LTBP1: variants seen among roughly 807,000 people sequenced by gnomAD.
LTBP1 encodes latent-transforming growth factor beta-binding protein 1.
Under a neutral mutation model 207.6 loss-of-function variants are expected in LTBP1, and 129 were observed. The observed-to-expected ratio is 0.62, with a 90% confidence interval of 0.54 to 0.72. The LOEUF is 0.72. Ranked by LOEUF, LTBP1 falls within the 30% of genes least tolerant of loss-of-function variation. The pLI is 0.00. For synonymous variants in LTBP1, 963 were observed against 833.7 expected (o/e 1.16, Z -2.67); for missense variants, 2,281 against 2,217.2 (o/e 1.03, Z -0.58).
At chr2:33,328,943 G>A (rs979194177) in intron 24 of LTBP1, among the ~76,000 whole-genome samples, 4 of 152,116 alleles carry the variant, frequency 2.6e-5, no homozygotes, top group African/African-American at 9.7e-5. Flanking sequence ...CATTTGGCAT[G>A]CTTCCTATGT....
chr2:33,091,450 C>A (rs892195446), intron 3 of LTBP1, among the ~76,000 whole-genome samples: 6 of 152,118 alleles, frequency 3.9e-5, no homozygotes, highest in Non-Finnish European at 7.4e-5. Context: ...GATACTCAGC[C>A]CATGAGTAGA....
intron 3 of LTBP1, among the ~76,000 whole-genome samples, chr2:33,101,605 G>A (rs752000604): frequency 6.6e-6 from 1 of 152,172 alleles, no homozygotes; most frequent in Admixed American, 6.5e-5. Context: ...CAGTTAAAAA[G>A]TCTCGTGATT....
intron 22 of LTBP1, among the ~76,000 whole-genome samples, chr2:33,303,194 A>G (rs1042973492): frequency 6.6e-6 from 1 of 152,070 alleles, no homozygotes; most frequent in East Asian, 1.9e-4. Context: ...TTCTAGAACT[A>G]AGTAACTGGT....
chr2:33,080,551 A>T (rs543170565), intron 3 of LTBP1, among the ~76,000 whole-genome samples: 1 of 152,226 alleles, frequency 6.6e-6, no homozygotes, highest in Non-Finnish European at 1.5e-5. Context: ...TGTATATTAT[A>T]TTGTATTTTA....
intron 15 of LTBP1, among the ~76,000 whole-genome samples, chr2:33,266,949 G>T (rs1004553934): frequency 6.6e-6 from 1 of 152,242 alleles, no homozygotes; most frequent in African/African-American, 2.4e-5. Context: ...GGGAAGAAGA[G>T]CTGTGGCCCT....
chr2:33,254,863 T>TTTG (rs2092799468), intron 11 of LTBP1, among the ~76,000 whole-genome samples: 2 of 107,358 alleles, frequency 1.9e-5, no homozygotes, highest in Non-Finnish European at 3.9e-5. Context: ...TTTTTTTTTT[T>TTTG]TTTTTTTTTT....
Position 33,345,151 on chromosome 2 carries a change from A to G in LTBP1, c.3856+2188A>G, listed in dbSNP as rs2094685142. 2.0e-5 allele frequency among the ~76,000 whole-genome samples: 3 copies of G among 152,308 alleles called. 1 individual carries two copies. The South Asian group carries it at 6.2e-4, about 32-fold the overall frequency. On this transcript the variant is annotated intron_variant, in intron 25 of 33. Coordinates refer to ENST00000404816, the MANE Select transcript of LTBP1 (RefSeq NM_206943.4). ...ACAGGGATGAGTGAGCACCTGCCCC[A>G]TTATCACCTACTCATCCTTCAGCTA...
intron 3 of LTBP1, among the ~76,000 whole-genome samples, chr2:33,089,713 T>G (rs1376011331): frequency 6.6e-6 from 1 of 152,244 alleles, no homozygotes; most frequent in East Asian, 1.9e-4. Context: ...ATAAGTGAAT[T>G]TTCTTATTTC....
At chr2:33,027,395 CCAGTATA>C (rs1325783888) in intron 3 of LTBP1, among the ~76,000 whole-genome samples, 1 of 152,102 alleles carries the variant, frequency 6.6e-6, no homozygotes, top group Non-Finnish European at 1.5e-5. Flanking sequence ...TAGCAAATTA[CCAGTATA>C]CAGTATACAG....
chr2:33,036,282 A>G (rs1313052701), intron 3 of LTBP1, among the ~76,000 whole-genome samples: 2 of 152,262 alleles, frequency 1.3e-5, no homozygotes, highest in South Asian at 2.1e-4. Context: ...GGTGGTGCCA[A>G]TGCTGAATGC....
chr2:33,033,302 A>G (rs1321328623), intron 3 of LTBP1, among the ~76,000 whole-genome samples: 2 of 152,104 alleles, frequency 1.3e-5, no homozygotes, highest in African/African-American at 2.4e-5. Context: ...ATTAAGTCAG[A>G]TATTTTATCT....
At chr2:33,013,471 ATT>A (rs903521448) in intron 2 of LTBP1, among the ~76,000 whole-genome samples, 50 of 150,386 alleles carry the variant, frequency 3.3e-4, no homozygotes, top group Non-Finnish European at 5.0e-4. Context: ...TTTCAGAAAA[ATT>A]TTTTTTCTGG....
At chr2:32,956,699 A>G (rs1011704523) in intron 2 of LTBP1, among the ~76,000 whole-genome samples, 9 of 152,200 alleles carry the variant, frequency 5.9e-5, no homozygotes, top group Non-Finnish European at 1.2e-4. Context: ...TCTTAATGGC[A>G]TCTAGAATGG....
chr2:32,972,675 G>A (rs920691315), intron 2 of LTBP1, among the ~76,000 whole-genome samples: 2 of 152,124 alleles, frequency 1.3e-5, no homozygotes, highest in African/African-American at 2.4e-5. Context: ...CTGGATCATG[G>A]GGATGGTTTC....
chr2:33,223,482 TG>T (rs1165669576), intron 9 of LTBP1, among the ~76,000 whole-genome samples: 1 of 152,156 alleles, frequency 6.6e-6, no homozygotes, highest in Non-Finnish European at 1.5e-5. Context: ...CTTAGTAACA[TG>T]GGAATAGTGG....
intron 2 of LTBP1, among the ~76,000 whole-genome samples, chr2:32,980,691 A>T (rs1439871851): frequency 6.6e-6 from 1 of 152,144 alleles, no homozygotes; most frequent in Non-Finnish European, 1.5e-5. Flanking sequence ...CCTTCAGATG[A>T]TTTCATATTG....
At chr2:33,353,052 C>T (rs1222486732) in intron 26 of LTBP1, among the ~76,000 whole-genome samples, 1 of 141,142 alleles carries the variant, frequency 7.1e-6, no homozygotes, top group Non-Finnish European at 1.5e-5. Context: ...GATCTTGGCT[C>T]ATCACAACCT....
chr2:33,282,267 A>G (rs1475651629), intron 19 of LTBP1, among the ~76,000 whole-genome samples: 1 of 152,016 alleles, frequency 6.6e-6, no homozygotes, highest in African/African-American at 2.4e-5. Flanking sequence ...CTATTGTTAA[A>G]TGGAGGCAGT....
intron 3 of LTBP1, among the ~76,000 whole-genome samples, chr2:33,088,825 T>G (rs755491681): frequency 3.9e-5 from 6 of 152,220 alleles, no homozygotes; most frequent in Non-Finnish European, 7.3e-5. Flanking sequence ...ATATATCATT[T>G]AAAATATTAT....
Sources: allele counts gnomAD v4.1 joint callset (sites outside exome capture counted in the v4.1 genomes callset), GRCh38; gene constraint gnomAD v4.1.1; transcripts MANE v1.5; gene names NCBI Gene and HGNC (gene_info 2026-07-23, HGNC 2026-07-21).